AGBL1: variants seen among roughly 807,000 people sequenced by gnomAD.
AGBL1 encodes cytosolic carboxypeptidase 4.
AGBL1 carries 130 observed loss-of-function variants against 118.9 expected under a neutral mutation model. The ratio of observed to expected loss-of-function variants is 1.09; its 90% CI spans 0.95 to 1.26. The LOEUF (loss-of-function observed/expected upper bound fraction) is 1.26, where lower values mean the gene tolerates loss of function less well. Among genes scored for constraint, AGBL1 ranks in the 50% most tolerant of loss-of-function variants. The pLI is 0.00. For synonymous variants in AGBL1, 555 were observed against 478.9 expected (o/e 1.16, Z -2.08); for missense variants, 1,584 against 1,298.1 (o/e 1.22, Z -3.38).
intron 18 of AGBL1, among the ~76,000 whole-genome samples, chr15:86,412,477 T>C (rs1262676455): frequency 6.6e-6 from 1 of 152,210 alleles, no homozygotes; most frequent in Non-Finnish European, 1.5e-5. Context: ...TGTTCAGTGT[T>C]TAGTCCTGAT....
intron 17 of AGBL1, among the ~76,000 whole-genome samples, chr15:86,315,717 CA>C (rs35136419): frequency 0.091 from 11,573 of 127,432 alleles, 610 homozygotes; most frequent in African/African-American, 0.18. Context: ...GACTTTTTCT[CA>C]AAAAAAAAAA....
intron 17 of AGBL1, among the ~76,000 whole-genome samples, chr15:86,302,194 G>A (rs2079757832): frequency 6.6e-6 from 1 of 152,062 alleles, no homozygotes; most frequent in African/African-American, 2.4e-5. Flanking sequence ...GGGAAAGATT[G>A]TAAAACCTTA....
chr15:86,581,075 G>T (rs1157317312), intron 21 of AGBL1, among the ~76,000 whole-genome samples: 1 of 152,110 alleles, frequency 6.6e-6, no homozygotes, highest in Non-Finnish European at 1.5e-5. Flanking sequence ...TCCAAAAGGG[G>T]AGTTACTAAG....
intron 21 of AGBL1, among the ~76,000 whole-genome samples, chr15:86,663,244 A>T (rs2085578628): frequency 6.6e-6 from 1 of 152,180 alleles, no homozygotes; most frequent in Non-Finnish European, 1.5e-5. Context: ...TTAAAGCCAA[A>T]CAAAACGGAA....
chr15:86,717,840 GAGGCTGAGGC>G (rs1445161587), intron 22 of AGBL1, among the ~76,000 whole-genome samples: 1 of 152,174 alleles, frequency 6.6e-6, no homozygotes, highest in African/African-American at 2.4e-5. Flanking sequence ...AGCATTTTGG[GAGGCTGAGGC>G]AGACAGATCA....
At chr15:86,743,982 T>C (rs1186799485) in intron 22 of AGBL1, among the ~76,000 whole-genome samples, 1 of 152,094 alleles carries the variant, frequency 6.6e-6, no homozygotes, top group African/African-American at 2.4e-5. Flanking sequence ...AATCATAATT[T>C]TCTGGGAAAA....
At chr15:86,954,213 C>A (rs2080907884) in intron 23 of AGBL1, among the ~76,000 whole-genome samples, 1 of 152,178 alleles carries the variant, frequency 6.6e-6, no homozygotes, top group African/African-American at 2.4e-5. Context: ...GAAATTAGTT[C>A]AACCACTATA....
chr15:86,616,498 TAG>T (rs2084728382), intron 21 of AGBL1, among the ~76,000 whole-genome samples: 2 of 152,292 alleles, frequency 1.3e-5, no homozygotes, highest in Non-Finnish European at 2.9e-5. Context: ...AATGAGCAAG[TAG>T]AGGACACTGT....
At chr15:86,163,235 G>A (rs2077291455) in intron 5 of AGBL1, among the ~76,000 whole-genome samples, 1 of 152,210 alleles carries the variant, frequency 6.6e-6, no homozygotes, top group Admixed American at 6.5e-5. Flanking sequence ...CCAGGAGTTT[G>A]CGACCAGCTT....
intron 17 of AGBL1, among the ~76,000 whole-genome samples, chr15:86,364,956 C>CACACACATATATATAT: frequency 1.1e-5 from 1 of 89,582 alleles, no homozygotes; most frequent in South Asian, 3.4e-4. Flanking sequence ...TTATATGTCA[C>CACACACATATATATAT]ACATATATAT....
At chr15:86,225,805 C>G (rs1029799979) in intron 6 of AGBL1, among the ~76,000 whole-genome samples, 1 of 152,080 alleles carries the variant, frequency 6.6e-6, no homozygotes, top group Non-Finnish European at 1.5e-5. Flanking sequence ...TTTAATAAAA[C>G]TTTTAAATAA....
intron 21 of AGBL1, among the ~76,000 whole-genome samples, chr15:86,631,636 A>G (rs539449743): frequency 1.4e-4 from 22 of 152,284 alleles, no homozygotes; most frequent in African/African-American, 5.1e-4. Context: ...GCAGCCTGCT[A>G]ATGGAACCTC....
At chr15:86,119,523 C>T (rs1409368165) in intron 1 of AGBL1, among the ~76,000 whole-genome samples, 2 of 152,082 alleles carry the variant, frequency 1.3e-5, no homozygotes, top group African/African-American at 4.8e-5. Context: ...GACTGATTGG[C>T]CCAGCTTAAA....
chr15:86,519,474 C>A (rs1477405564), intron 18 of AGBL1, among the ~76,000 whole-genome samples: 1 of 152,144 alleles, frequency 6.6e-6, no homozygotes, highest in Non-Finnish European at 1.5e-5. Context: ...GGAAGAGCAG[C>A]AACAGCTCTT....
At chr15:86,082,551 C>T (rs1895355772) in intron 1 of AGBL1, among the ~76,000 whole-genome samples, 1 of 152,166 alleles carries the variant, frequency 6.6e-6, no homozygotes, top group Admixed American at 6.5e-5. Flanking sequence ...ACAGAATATC[C>T]CTGTGCTATG....
At chr15:86,877,793 A>T (rs2079832105) in intron 22 of AGBL1, among the ~76,000 whole-genome samples, 1 of 152,190 alleles carries the variant, frequency 6.6e-6, no homozygotes, top group African/African-American at 2.4e-5. Context: ...GATTATTTAA[A>T]TTGCATTTTT....
intron 22 of AGBL1, among the ~76,000 whole-genome samples, chr15:86,842,886 C>T (rs7173266): frequency 1.3e-5 from 2 of 152,014 alleles, no homozygotes; most frequent in African/African-American, 2.4e-5. Flanking sequence ...TTGTCTTTAG[C>T]GGGGTTACAC....
chr15:86,462,399 G>A (rs977107021), intron 18 of AGBL1, among the ~76,000 whole-genome samples: 10 of 151,736 alleles, frequency 6.6e-5, no homozygotes, highest in South Asian at 2.1e-4. Flanking sequence ...TTCAAGACCC[G>A]TTTCCTCTGC....
chr15:86,107,369 T>C (rs986627953), intron 1 of AGBL1, among the ~76,000 whole-genome samples: 1 of 152,224 alleles, frequency 6.6e-6, no homozygotes, highest in Non-Finnish European at 1.5e-5. Flanking sequence ...CTACTGCATA[T>C]AAACTATGTG....
Sources: allele counts gnomAD v4.1 joint callset (sites outside exome capture counted in the v4.1 genomes callset), GRCh38; gene constraint gnomAD v4.1.1; transcripts MANE v1.5; gene names NCBI Gene and HGNC (gene_info 2026-07-23, HGNC 2026-07-21).